Variants in NR2C2 observed in about 807,000 individuals in gnomAD.
NR2C2 encodes the protein nuclear receptor subfamily 2 group C member 2.
In NR2C2, 6 loss-of-function variants were observed where a neutral mutation model predicts 62.9. The observed-to-expected ratio is 0.10, with a 90% CI of 0.05 to 0.19. The LOEUF (loss-of-function observed/expected upper bound fraction) is 0.19. Among genes scored for constraint, NR2C2 ranks in the 10% least tolerant of loss-of-function variants. The probability of loss-of-function intolerance (pLI) is 1.00; values close to 1 mark genes in which losing one functional copy is unlikely to be tolerated. For synonymous variants in NR2C2, 272 were observed against 273.8 expected (o/e 0.99, Z 0.07); for missense variants, 479 against 762.7 (o/e 0.63, Z 4.38).
At chr3:15,008,537 C>A (rs909101158) in intron 2 of NR2C2, among the ~76,000 whole-genome samples, 111 of 149,806 alleles carry the variant, frequency 7.4e-4, no homozygotes, top group South Asian at 2.3e-3. Context: ...AAAAAAAAAA[C>A]AAAAACTTTG....
intron 1 of NR2C2, among the ~76,000 whole-genome samples, chr3:14,986,422 G>A (rs555399471): frequency 3.0e-4 from 45 of 152,264 alleles, no homozygotes; most frequent in South Asian, 2.7e-3. Flanking sequence ...ATTAATGTTA[G>A]AATAAGTGAG....
At chr3:14,974,526 G>C (rs929161072) in intron 1 of NR2C2, among the ~76,000 whole-genome samples, 1 of 151,070 alleles carries the variant, frequency 6.6e-6, no homozygotes, top group Non-Finnish European at 1.5e-5. Context: ...AACACAGGAT[G>C]TTTTTCCACT....
chr3:14,967,079 A>G (rs2039879380), intron 1 of NR2C2, among the ~76,000 whole-genome samples: 1 of 152,086 alleles, frequency 6.6e-6, no homozygotes, highest in African/African-American at 2.4e-5. Context: ...TTCTTGAGTC[A>G]GTTTCAGTAA....
At chr3:15,013,374 T>C (rs546451933) in intron 2 of NR2C2, among the ~76,000 whole-genome samples, 3 of 152,348 alleles carry the variant, frequency 2.0e-5, no homozygotes, top group South Asian at 2.1e-4. Flanking sequence ...AGGAAAGATA[T>C]AGTCCTAGAC....
At chr3:14,948,323 G>A (rs886363163) in intron 1 of NR2C2, 2 of 152,340 alleles carry the variant, frequency 1.3e-5, no homozygotes, top group African/African-American at 4.8e-5. Context: ...TCCGCTTCTA[G>A]TCCGCCTTTG....
intron 1 of NR2C2, among the ~76,000 whole-genome samples, chr3:14,985,149 T>C (rs76626446): frequency 1.2e-4 from 19 of 152,286 alleles, no homozygotes; most frequent in African/African-American, 4.1e-4. Context: ...TCTTGAGTTT[T>C]GGGAGTTCTT....
At chr3:14,970,490 C>T (rs1054462732) in intron 1 of NR2C2, among the ~76,000 whole-genome samples, 5 of 152,144 alleles carry the variant, frequency 3.3e-5, no homozygotes, top group African/African-American at 1.2e-4. Context: ...CTACCATTCC[C>T]CTCATTCCCC....
At chr3:14,990,784 C>T (rs2040648792) in intron 1 of NR2C2, among the ~76,000 whole-genome samples, 1 of 152,202 alleles carries the variant, frequency 6.6e-6, no homozygotes, top group South Asian at 2.1e-4. Flanking sequence ...CAATGTATTT[C>T]AGTAGTCACT....
intron 1 of NR2C2, among the ~76,000 whole-genome samples, chr3:14,953,522 T>C (rs2039430536): frequency 6.6e-6 from 1 of 152,158 alleles, no homozygotes; most frequent in South Asian, 2.1e-4. Context: ...TTATTTACCT[T>C]TGTTGTTCAT....
At chr3:14,955,207 A>G (rs116402876) in intron 1 of NR2C2, among the ~76,000 whole-genome samples, 88 of 152,330 alleles carry the variant, frequency 5.8e-4, no homozygotes, top group African/African-American at 2.0e-3. Flanking sequence ...CACTATTTTA[A>G]TTAATGTGAT....
rs199792577 is a variant in NR2C2, at chr3:15,039,104, G to T, written c.1511-18G>T. The T allele has an allele frequency of 8.9e-6, 14 of 1,572,742 alleles. No homozygotes were observed. The highest frequency in any genetic ancestry group is 6.7e-5 in the Admixed American group (4 of 59,722). ...CAAATACAGAGGGAACTGGGGGGGG[G>T]TACTTTTCTGTTTTCAGATCATCCA... On this transcript the variant is annotated intron_variant, in intron 12 of 13. Transcript: ENST00000425241.
rs1021369640 is a variant in NR2C2, at chr3:15,047,158, A to C, written c.*4150A>C. ...CAGACATGTATCCAAACTTTCCTTT[A>C]AAGAGAGTTTTTCATAAAGTTGCTA... On this transcript the variant is annotated 3_prime_UTR_variant, in exon 14 of 14. Coordinates refer to ENST00000425241, the MANE Select transcript of NR2C2 (RefSeq NM_001291694.2). 3.3e-5 allele frequency: 5 copies of C among 152,628 alleles called. No homozygotes were observed. Among genetic ancestry groups the C allele is most frequent in the Admixed American group, 2.0e-4 (3 of 15,270 alleles). The allele number at this position is 152,628 out of a possible 1,614,324, so 9.5% of individuals were successfully genotyped here.
At chr3:14,976,872 G>A (rs1216505047) in intron 1 of NR2C2, among the ~76,000 whole-genome samples, 1 of 151,728 alleles carries the variant, frequency 6.6e-6, no homozygotes, top group Non-Finnish European at 1.5e-5. Context: ...ATCTACATGG[G>A]TGACCTCTCT....
At chr3:14,958,288 G>C (rs2039585181) in intron 1 of NR2C2, among the ~76,000 whole-genome samples, 1 of 152,114 alleles carries the variant, frequency 6.6e-6, no homozygotes, top group Non-Finnish European at 1.5e-5. Context: ...AGAACTGATG[G>C]AGGTGGTTGG....
Position 15,048,264 on chromosome 3 carries a change from C to T in NR2C2, c.*5256C>T, listed in dbSNP as rs1342892327. ...GCCTCATCCCACAAGATTGTGCGAC[C>T]TTTCCCCGTCATAGCCTGTCGTGAC... On this transcript the variant is annotated 3_prime_UTR_variant, in exon 14 of 14. Transcript: ENST00000425241. The T allele has an allele frequency of 6.6e-6, 1 of 152,612 alleles. No individual in the cohort carries two copies. Among genetic ancestry groups the T allele is most frequent in the Non-Finnish European group, 1.5e-5 (1 of 68,042 alleles). 9.5% of individuals were successfully genotyped at this position (152,612 alleles called of 1,614,324 possible).
intron 1 of NR2C2, among the ~76,000 whole-genome samples, chr3:14,980,024 A>G (rs2040319100): frequency 6.6e-6 from 1 of 151,962 alleles, no homozygotes; most frequent in African/African-American, 2.4e-5. Context: ...TTTTAAAACC[A>G]TTGCCACCCG....
chr3:14,998,633 A>G (rs562146309), intron 1 of NR2C2, among the ~76,000 whole-genome samples: 1 of 152,254 alleles, frequency 6.6e-6, no homozygotes, highest in Non-Finnish European at 1.5e-5. Flanking sequence ...TTAAGTTGTA[A>G]TGATATATGA....
At chr3:14,949,312 T>A (rs1377843462) in intron 1 of NR2C2, among the ~76,000 whole-genome samples, 1 of 152,080 alleles carries the variant, frequency 6.6e-6, no homozygotes, top group Non-Finnish European at 1.5e-5. Context: ...TCTGAGTAAG[T>A]GATGTTTGAA....
Position 15,023,359 on chromosome 3 carries a change from GT to G in NR2C2, c.704+14del. On this transcript the variant is annotated intron_variant, in intron 6 of 13. Transcript: ENST00000425241. The stretch of plus-strand genomic sequence containing the variant: ...AAAGATGGAGCAAGGTCAGTCCCTT[GT>G]TCTCACTGCAATCAGCCTTTGCAGC... The G allele has an allele frequency of 6.2e-7, 1 of 1,613,750 alleles. No individual in the cohort carries two copies. Among genetic ancestry groups the G allele is most frequent in the South Asian group, 1.1e-5 (1 of 91,078 alleles).
Sources: gnomAD v4.1 joint callset for allele counts (sites outside exome capture counted in the v4.1 genomes callset) on GRCh38, gnomAD v4.1.1 for gene constraint, MANE v1.5 for transcripts, NCBI Gene and HGNC (gene_info 2026-07-23, HGNC 2026-07-21) for gene names.